TARS1: variants seen among roughly 807,000 people sequenced by gnomAD.
TARS1 encodes the protein threonine--tRNA ligase 1, cytoplasmic.
In TARS1, 57 loss-of-function variants were observed where a neutral mutation model predicts 97.7. The observed-to-expected ratio is 0.58, with a 90% CI of 0.47 to 0.73. TARS1 has a LOEUF of 0.73. TARS1 is among the 30% of genes least tolerant of loss of function. The probability of loss-of-function intolerance (pLI) is 0.00; values close to 1 mark genes in which losing one functional copy is unlikely to be tolerated. For missense variants in TARS1, 806 were observed against 888.3 expected, an observed-to-expected ratio of 0.91 and a Z score of 1.18; for synonymous variants, 312 against 293.7, an observed-to-expected ratio of 1.06 and a Z score of -0.64.
intron 10 of TARS1, 151 bp downstream of exon 10, chr5:33,458,815 C>A: frequency 1.5e-6 from 1 of 665,998 alleles, no homozygotes; most frequent in Non-Finnish European, 2.4e-6. Context: ...ATAAATCATC[C>A]CTAATAGTTG....
chr5:33,456,288 CT>C, intron 8 of TARS1, 61 bp downstream of exon 8: 2 of 1,303,938 alleles, frequency 1.5e-6, no homozygotes, highest in South Asian at 1.3e-5. Context: ...TATGTTTAAA[CT>C]TTCACTGATT....
Position 33,453,392 on chromosome 5 carries a change from G to A in TARS1, c.433G>A (p.Glu145Lys). The change falls in exon 4 of 19, where the codon GAG (glutamate) becomes AAG (lysine). Residue 145 changes from glutamate (E) to lysine (K), a missense_variant. Glu to Lys is a moderately conservative substitution (Grantham distance 56). Transcript: ENST00000265112. ...TTGTACCTTGGAGCTTCTCAAGTTTGAGGATGAGGAAGCTCAGGCAGTAAG... is the reference window on the plus strand; with the variant it reads ...TTGTACCTTGGAGCTTCTCAAGTTTAAGGATGAGGAAGCTCAGGCAGTAAG... ...EDCTLELLKF[E>K]DEEAQAVYWH... 6.2e-7 allele frequency: 1 copy of A among 1,612,656 alleles called. No individual in the cohort carries two copies. The highest frequency in any genetic ancestry group is 1.1e-5 in the South Asian group (1 of 90,972).
chr5:33,461,109 A>G (rs1311414638), intron 12 of TARS1, 45 bp downstream of exon 12: 3 of 1,606,054 alleles, frequency 1.9e-6, no homozygotes, highest in Admixed American at 1.7e-5. Flanking sequence ...AGAGTCAAGA[A>G]AGTCAAGGAA....
intron 17 of TARS1, 131 bp downstream of exon 17, chr5:33,463,956 TAAGCCTG>T (rs1458932424): frequency 1.1e-5 from 8 of 731,842 alleles, no homozygotes; most frequent in African/African-American, 1.8e-5. Flanking sequence ...TAATCTTTGT[TAAGCCTG>T]AATAGATTAT....
chr5:33,450,720 G>A (rs1251317180), intron 3 of TARS1, among the ~76,000 whole-genome samples: 2 of 152,148 alleles, frequency 1.3e-5, no homozygotes, highest in Non-Finnish European at 2.9e-5. Context: ...CTGTTAGTTT[G>A]GGAACTTTTT....
chr5:33,456,673 T>TA (rs947115605), intron 8 of TARS1, among the ~76,000 whole-genome samples: 5 of 152,278 alleles, frequency 3.3e-5, no homozygotes, highest in African/African-American at 1.2e-4. Context: ...ATTTTTTTTT[T>TA]ATTGGCTCAT....
intron 17 of TARS1, among the ~76,000 whole-genome samples, chr5:33,464,934 C>T (rs998972034): frequency 1.0e-4 from 15 of 150,488 alleles, no homozygotes; most frequent in African/African-American, 2.7e-4. Flanking sequence ...GGCGCAGTGG[C>T]GGGCACCTGT....
chr5:33,457,476 A>G (rs773801781), intron 9 of TARS1, 73 bp downstream of exon 9: 13 of 1,537,512 alleles, frequency 8.5e-6, no homozygotes, highest in Non-Finnish European at 1.2e-5. Context: ...ATTCAGCTGC[A>G]TGAAGTACTA....
intron 1 of TARS1, 37 bp downstream of exon 1, chr5:33,441,180 G>A (rs867819165): frequency 1.2e-6 from 2 of 1,612,810 alleles, no homozygotes; most frequent in East Asian, 4.5e-5. Context: ...ACCAGCCTGG[G>A]ACTCTAGTGG....
Position 33,462,196 on chromosome 5 carries a change from G to A in TARS1, c.1828G>A (p.Gly610Ser), listed in dbSNP as rs761051908. ...MIAILTENYG[G>S]KWPFWLSPRQ... ...TGCTATCCTCACAGAAAACTATGGG[G>A]GCAAATGGTAATTTTTGTCACTGTC... The change falls in exon 16 of 19, where the codon GGC becomes AGC. Residue 610 changes from glycine (G) to serine (S), a missense_variant. Transcript: ENST00000265112. 6.2e-7 allele frequency: 1 copy of A among 1,610,964 alleles called. No homozygotes were observed.
At chr5:33,467,094 C>T in intron 18 of TARS1, 109 bp downstream of exon 18, 1 of 440,844 alleles carries the variant, frequency 2.3e-6, no homozygotes, top group Non-Finnish European at 3.8e-6. Context: ...TAGTTCCTTC[C>T]AGTCCTGATT....
intron 3 of TARS1, chr5:33,452,247 C>G (rs979090511): frequency 1.3e-5 from 13 of 963,196 alleles, no homozygotes; most frequent in Non-Finnish European, 2.1e-5. Context: ...ATGTTGCCTA[C>G]CTTCGTTGAG....
At chr5:33,467,047 G>C (rs1742559404) in intron 18 of TARS1, 62 bp downstream of exon 18, 2 of 981,746 alleles carry the variant, frequency 2.0e-6, no homozygotes, top group Non-Finnish European at 3.0e-6. Context: ...CTGAAACCTT[G>C]AGACAGGTTT....
intron 2 of TARS1, 147 bp from the exon 3 acceptor site, chr5:33,448,394 T>C: frequency 1.8e-6 from 1 of 570,750 alleles, no homozygotes; most frequent in Non-Finnish European, 2.8e-6. Flanking sequence ...ATTGAGGTAA[T>C]GCCGGGTGAT....
At chr5:33,452,262 C>A in intron 3 of TARS1, 1 of 1,121,102 alleles carries the variant, frequency 8.9e-7, no homozygotes, top group Non-Finnish European at 1.3e-6. Context: ...GTTGAGATGT[C>A]CAGGCTGTTA....
intron 2 of TARS1, among the ~76,000 whole-genome samples, chr5:33,448,118 T>G (rs1741511269): frequency 6.6e-6 from 1 of 152,228 alleles, no homozygotes; most frequent in Non-Finnish European, 1.5e-5. Context: ...AAATTTGTGA[T>G]TGGTTGTGAG....
rs1215041363 is a variant in TARS1 at position 33,448,523 on chromosome 5, T to G, written c.139-18T>G. The stretch of plus-strand genomic sequence containing the variant: ...ATTTACTGATCATTTATTTCCTGAT[T>G]TGTTTGTTGTCTTGCAGTTGAATCC... On this transcript the variant is annotated intron_variant, in intron 2 of 18. Transcript: ENST00000265112. 4 of 1,530,608 alleles carry G rather than the reference T, an allele frequency of 2.6e-6. No individual in the cohort carries two copies. Among genetic ancestry groups the G allele is most frequent in the Non-Finnish European group, 3.5e-6 (4 of 1,135,936 alleles). The allele number at this position is 1,530,608 out of a possible 1,614,324, so 94.8% of individuals were successfully genotyped here.
intron 6 of TARS1, 60 bp from the exon 7 acceptor site, chr5:33,455,942 G>A (rs1344458421): frequency 3.9e-5 from 57 of 1,443,190 alleles, no homozygotes; most frequent in Non-Finnish European, 5.4e-5. Flanking sequence ...TTTAGCTATA[G>A]TACTTAGAAG....
intron 1 of TARS1, among the ~76,000 whole-genome samples, chr5:33,442,114 C>T (rs962485353): frequency 2.6e-5 from 4 of 152,140 alleles, no homozygotes; most frequent in Non-Finnish European, 5.9e-5. Context: ...GAAGTGGTGA[C>T]GTCTTCAGCT....
Sources: allele counts gnomAD v4.1 joint callset (sites outside exome capture counted in the v4.1 genomes callset), GRCh38; gene constraint gnomAD v4.1.1; transcripts MANE v1.5; gene names NCBI Gene and HGNC (gene_info 2026-07-23, HGNC 2026-07-21).